Variants in SPATA6 observed in about 807,000 individuals in gnomAD.
The protein encoded by SPATA6 is spermatogenesis associated 6, also known as spermatogenesis-associated protein 6.
SPATA6 carries 56 observed loss-of-function variants against 65.3 expected under a neutral mutation model. The ratio of observed to expected loss-of-function variants is 0.86; its 90% CI spans 0.69 to 1.07. The LOEUF (loss-of-function observed/expected upper bound fraction) is 1.07, where lower values mean the gene tolerates loss of function less well. Ranked by LOEUF, SPATA6 falls within the 50% of genes least tolerant of loss-of-function variation. SPATA6 has a pLI of 0.00. For synonymous variants in SPATA6, 199 were observed against 213.2 expected, an observed-to-expected ratio of 0.93 and a Z score of 0.58; for missense variants, 590 against 594.8, an observed-to-expected ratio of 0.99 and a Z score of 0.08.
chr1:48,452,212 AAAG>A (rs1043500616), intron 2 of SPATA6, among the ~76,000 whole-genome samples: 1 of 152,184 alleles, frequency 6.6e-6, no homozygotes, highest in African/African-American at 2.4e-5. Flanking sequence ...TTCTGGAGAA[AAAG>A]AAGAAAAGAA....
chr1:48,444,626 AAATAAGAG>A (rs914597007), intron 3 of SPATA6, among the ~76,000 whole-genome samples: 1 of 152,194 alleles, frequency 6.6e-6, no homozygotes, highest in African/African-American at 2.4e-5. Context: ...AGGCGGGGAC[AAATAAGAG>A]AATAAAAGCT....
intron 11 of SPATA6, among the ~76,000 whole-genome samples, chr1:48,342,980 A>G (rs1198144086): frequency 6.6e-6 from 1 of 152,184 alleles, no homozygotes; most frequent in East Asian, 1.9e-4. Context: ...CACCAGTAGT[A>G]ATAAGATAAA....
intron 9 of SPATA6, among the ~76,000 whole-genome samples, chr1:48,364,677 C>A (rs551368551): frequency 6.6e-6 from 1 of 152,058 alleles, no homozygotes; most frequent in Non-Finnish European, 1.5e-5. Flanking sequence ...TGTTTGAGTT[C>A]ATTGTAGATT....
intron 3 of SPATA6, among the ~76,000 whole-genome samples, chr1:48,414,542 C>G (rs369003150): frequency 6.6e-6 from 1 of 152,160 alleles, no homozygotes; most frequent in Non-Finnish European, 1.5e-5. Context: ...CCATATCTAG[C>G]ATTCCACACA....
At chr1:48,286,201 T>C in the SPATA6 span, among the ~76,000 whole-genome samples, 1 of 151,294 alleles carries the variant, frequency 6.6e-6, no homozygotes, top group Non-Finnish European at 1.5e-5. Context: ...TTTCTTTTTC[T>C]GTAAAAAAAA....
intron 3 of SPATA6, chr1:48,436,679 T>C (rs1221969733): frequency 4.3e-6 from 7 of 1,614,076 alleles, no homozygotes; most frequent in Non-Finnish European, 8.5e-7. Flanking sequence ...CCAGAACTAC[T>C]GAGACAGGAT....
At chr1:48,430,088 G>A (rs1654258607) in intron 3 of SPATA6, among the ~76,000 whole-genome samples, 2 of 152,030 alleles carry the variant, frequency 1.3e-5, no homozygotes, top group Non-Finnish European at 2.9e-5. Context: ...AAGAAACAAT[G>A]GCTGAAAACT....
chr1:48,342,135 T>C (rs1646232844), intron 11 of SPATA6, among the ~76,000 whole-genome samples: 1 of 152,220 alleles, frequency 6.6e-6, no homozygotes, highest in South Asian at 2.1e-4. Context: ...ATTTGTATAC[T>C]ATGGGATCTC....
rs927668112 is a variant in SPATA6, at chr1:48,352,901, T to C, written c.1194+2769A>G. Among the ~76,000 whole-genome samples, 5 of 31,970 alleles carry C rather than the reference T, an allele frequency of 1.6e-4. No homozygotes were observed. The East Asian group carries it at 6.5e-3, about 42-fold the overall frequency. 21.0% of individuals were successfully genotyped at this position (31,970 alleles called of 152,430 possible). ...AGACAATGGATTAGCTTCTTTTAAA[T>C]ACAAAAAAAAAAAAAAAAAATGACT... On this transcript the variant is annotated intron_variant, in intron 11 of 12. Transcript: ENST00000371847.
chr1:48,307,799 T>C (rs914421575), intron 11 of SPATA6, among the ~76,000 whole-genome samples: 7 of 151,922 alleles, frequency 4.6e-5, no homozygotes, highest in Non-Finnish European at 1.0e-4. Context: ...GTAATGGTCA[T>C]ATCTTCCTGA....
chr1:48,351,635 T>C (rs898386549), intron 11 of SPATA6, among the ~76,000 whole-genome samples: 17 of 152,226 alleles, frequency 1.1e-4, no homozygotes, highest in Admixed American at 4.6e-4. Flanking sequence ...GTCCACTTAA[T>C]TGTGATGTAT....
At chr1:48,468,872 T>C (rs1333245483) in intron 1 of SPATA6, among the ~76,000 whole-genome samples, 1 of 152,222 alleles carries the variant, frequency 6.6e-6, no homozygotes, top group Admixed American at 6.5e-5. Flanking sequence ...ATGAACTAAA[T>C]ATTAAGAATT....
chr1:48,340,118 G>A (rs974106498), intron 11 of SPATA6, among the ~76,000 whole-genome samples: 3 of 151,562 alleles, frequency 2.0e-5, no homozygotes, highest in Non-Finnish European at 4.4e-5. Context: ...TGCCTTTAAA[G>A]TGTAGGAAGA....
the SPATA6 span, among the ~76,000 whole-genome samples, chr1:48,271,631 G>A: frequency 2.0e-5 from 3 of 152,074 alleles, no homozygotes; most frequent in Admixed American, 1.3e-4. Context: ...GCCATGGGAT[G>A]CACAGTTAAA....
At chr1:48,436,812 AG>A (rs1654983700) in intron 3 of SPATA6, 1 of 1,613,994 alleles carries the variant, frequency 6.2e-7, no homozygotes, top group Non-Finnish European at 8.5e-7. Context: ...AGAAACTGAA[AG>A]GTCCTCCTTA....
At chr1:48,351,592 C>G (rs893463125) in intron 11 of SPATA6, among the ~76,000 whole-genome samples, 1 of 152,006 alleles carries the variant, frequency 6.6e-6, no homozygotes, top group Non-Finnish European at 1.5e-5. Context: ...TAATCATTTA[C>G]TAGGATAAAT....
At chr1:48,359,554 T>C (rs1289365839) in intron 10 of SPATA6, 32 bp downstream of exon 10, 1 of 1,586,016 alleles carries the variant, frequency 6.3e-7, no homozygotes, top group African/African-American at 1.3e-5. Flanking sequence ...TATTCAAAGA[T>C]CAGTACAGAA....
intron 3 of SPATA6, among the ~76,000 whole-genome samples, chr1:48,421,919 A>G (rs925256675): frequency 2.6e-5 from 4 of 151,962 alleles, no homozygotes; most frequent in Non-Finnish European, 5.9e-5. Flanking sequence ...ATAAAATTAA[A>G]GAGATTTATC....
At chr1:48,307,455 T>G (rs1040066157) in intron 11 of SPATA6, among the ~76,000 whole-genome samples, 1 of 150,122 alleles carries the variant, frequency 6.7e-6, no homozygotes, top group Non-Finnish European at 1.5e-5. Flanking sequence ...ACCCATCTTT[T>G]GTAAGAGTCC....
Sources: gnomAD v4.1 joint callset for allele counts (sites outside exome capture counted in the v4.1 genomes callset) on GRCh38, gnomAD v4.1.1 for gene constraint, MANE v1.5 for transcripts, NCBI Gene and HGNC (gene_info 2026-07-23, HGNC 2026-07-21) for gene names.